Variants in RALYL observed in about 807,000 individuals in gnomAD.
The protein encoded by RALYL is RALY RNA binding protein like, also known as RNA-binding Raly-like protein.
Under a neutral mutation model 35.1 loss-of-function variants are expected in RALYL, and 29 were observed. The ratio of observed to expected loss-of-function variants is 0.83; its 90% CI spans 0.61 to 1.13. RALYL has a LOEUF of 1.13. Ranked by LOEUF, RALYL falls within the 50% of genes most tolerant of loss-of-function variation. The probability of loss-of-function intolerance (pLI) is 0.00; values close to 1 mark genes in which losing one functional copy is unlikely to be tolerated. For synonymous variants in RALYL, 120 were observed against 127.6 expected (o/e 0.94, Z 0.40); for missense variants, 359 against 360.4 (o/e 1.00, Z 0.03).
At chr8:84,432,923 T>C (rs929695175) in intron 1 of RALYL, among the ~76,000 whole-genome samples, 2 of 152,098 alleles carry the variant, frequency 1.3e-5, no homozygotes, top group African/African-American at 4.8e-5. Context: ...ACAACACATT[T>C]CCATTGTTTT....
intron 3 of RALYL, among the ~76,000 whole-genome samples, chr8:84,795,604 A>G (rs923080918): frequency 6.6e-6 from 1 of 152,152 alleles, no homozygotes; most frequent in African/African-American, 2.4e-5. Context: ...ATACCTTTTC[A>G]TTACTTTTGT....
intron 2 of RALYL, among the ~76,000 whole-genome samples, chr8:84,529,791 T>C (rs2059154733): frequency 6.6e-6 from 1 of 152,202 alleles, no homozygotes; most frequent in Non-Finnish European, 1.5e-5. Context: ...TCAAGGCTAC[T>C]TTGCAATACT....
rs1563856746 is a variant in RALYL, at chr8:84,913,044, A to AGGTAGG, written c.859-7850_859-7849insGGTAGG. 9.5e-3 allele frequency among the ~76,000 whole-genome samples: 472 copies of AGGTAGG among 49,572 alleles called. 3 individuals are homozygous for AGGTAGG. Among genetic ancestry groups the AGGTAGG allele is most frequent in the South Asian group, 0.031 (52 of 1,670 alleles). 32.5% of individuals were successfully genotyped at this position (49,572 alleles called of 152,430 possible). ...GATGGATGGATGGATAGGTAGGTAGATAGATAGATAGATAGATAGATAGAT... is the reference window on the plus strand; with the variant it reads ...GATGGATGGATGGATAGGTAGGTAGAGGTAGGTAGATAGATAGATAGATAGATAGAT... On this transcript the variant is annotated intron_variant, in intron 8 of 8. Transcript: ENST00000521268.
In RALYL at chr8:84,227,349, C is replaced by T. The variant is rs201565130; in HGVS notation, c.-24+42925C>T. On this transcript the variant is annotated intron_variant, in intron 1 of 8. Coordinates refer to ENST00000521268, the MANE Select transcript of RALYL (RefSeq NM_173848.7). Reference sequence around the variant, plus strand: ...CTGGGATTATAGGCGTGAGCCACCACGTCTGGCACAAAAAAAATGTATTTC... The same window carrying T: ...CTGGGATTATAGGCGTGAGCCACCATGTCTGGCACAAAAAAAATGTATTTC... Among the ~76,000 whole-genome samples, 49 of 141,094 alleles carry T rather than the reference C, an allele frequency of 3.5e-4. No homozygotes were observed. The East Asian group carries it at 9.8e-3, about 28-fold the overall frequency. The allele number at this position is 141,094 out of a possible 152,430, so 92.6% of individuals were successfully genotyped here. A position where few individuals can be genotyped will look rare whatever the true frequency, so the allele number is the denominator to read the frequency against.
At chr8:84,242,010 A>T (rs953653222) in intron 1 of RALYL, among the ~76,000 whole-genome samples, 2 of 151,740 alleles carry the variant, frequency 1.3e-5, no homozygotes, top group African/African-American at 4.8e-5. Context: ...CCTCCCTCCC[A>T]CACCCCCAAC....
intron 1 of RALYL, among the ~76,000 whole-genome samples, chr8:84,257,367 C>T (rs1256037175): frequency 6.6e-6 from 1 of 152,024 alleles, no homozygotes; most frequent in East Asian, 1.9e-4. Context: ...AAAATTTATG[C>T]AGGATTTCAT....
intron 1 of RALYL, among the ~76,000 whole-genome samples, chr8:84,380,738 A>C (rs1166293248): frequency 6.6e-6 from 1 of 151,892 alleles, no homozygotes; most frequent in Non-Finnish European, 1.5e-5. Context: ...GTCCAGTAAG[A>C]GTTAAAAAGT....
chr8:84,271,614 G>A (rs1227197757), intron 1 of RALYL, among the ~76,000 whole-genome samples: 2 of 151,814 alleles, frequency 1.3e-5, no homozygotes, highest in African/African-American at 4.8e-5. Context: ...TTGTGAATGG[G>A]TGAATAAATA....
chr8:84,243,501 C>CTTTTTTTTTTTTTTTTTT (rs34469585), intron 1 of RALYL, among the ~76,000 whole-genome samples: 2 of 97,480 alleles, frequency 2.1e-5, no homozygotes, highest in African/African-American at 8.2e-5. Context: ...CTCTCTCACA[C>CTTTTTTTTTTTTTTTTTT]TTTTTTTTTT....
chr8:84,531,680 T>G (rs534102481), intron 2 of RALYL, among the ~76,000 whole-genome samples: 1 of 152,214 alleles, frequency 6.6e-6, no homozygotes, highest in East Asian at 1.9e-4. Flanking sequence ...AACAAATACT[T>G]GAGGAAATGC....
chr8:84,590,934 G>T (rs1170346697), intron 2 of RALYL, among the ~76,000 whole-genome samples: 1 of 151,686 alleles, frequency 6.6e-6, no homozygotes, highest in African/African-American at 2.4e-5. Flanking sequence ...TTAATTATAG[G>T]CATAATTGCA....
chr8:84,705,566 A>G (rs189961676), intron 2 of RALYL, among the ~76,000 whole-genome samples: 116 of 152,356 alleles, frequency 7.6e-4, no homozygotes, highest in Non-Finnish European at 1.5e-3. Context: ...AGAATTTAGC[A>G]GAGTTTCAAA....
chr8:84,304,440 A>G (rs1018045897), intron 1 of RALYL, among the ~76,000 whole-genome samples: 10 of 152,138 alleles, frequency 6.6e-5, no homozygotes, highest in Admixed American at 4.6e-4. Flanking sequence ...CTAATATAAT[A>G]TGGGATATTA....
At chr8:84,893,114 T>G (rs946904368) in intron 8 of RALYL, among the ~76,000 whole-genome samples, 4 of 152,152 alleles carry the variant, frequency 2.6e-5, no homozygotes, top group African/African-American at 9.6e-5. Context: ...GAACCAGACA[T>G]AGCCACTATG....
At chr8:84,576,939 C>T (rs890890051) in intron 2 of RALYL, among the ~76,000 whole-genome samples, 2 of 152,160 alleles carry the variant, frequency 1.3e-5, no homozygotes, top group Non-Finnish European at 2.9e-5. Context: ...AACTCCTGAC[C>T]AACCTTCATG....
chr8:84,814,812 A>G (rs564087701), intron 4 of RALYL, among the ~76,000 whole-genome samples: 4 of 152,278 alleles, frequency 2.6e-5, no homozygotes, highest in Admixed American at 2.6e-4. Flanking sequence ...AGGGGGGAAA[A>G]AAGACCTGTT....
At chr8:84,576,254 C>T (rs1372861705) in intron 2 of RALYL, among the ~76,000 whole-genome samples, 1 of 151,846 alleles carries the variant, frequency 6.6e-6, no homozygotes, top group Non-Finnish European at 1.5e-5. Context: ...GTTTCTTTAT[C>T]CTATGAATAT....
At chr8:84,325,072 G>A (rs934222014) in intron 1 of RALYL, among the ~76,000 whole-genome samples, 1 of 152,036 alleles carries the variant, frequency 6.6e-6, no homozygotes, top group Non-Finnish European at 1.5e-5. Flanking sequence ...TAGTAGAAAA[G>A]AAGTTCCATT....
intron 2 of RALYL, among the ~76,000 whole-genome samples, chr8:84,685,130 C>T (rs868624703): frequency 1.3e-5 from 2 of 152,024 alleles, no homozygotes; most frequent in African/African-American, 4.8e-5. Context: ...TTTCCAAATA[C>T]AATCACATTG....
Sources: gnomAD v4.1 joint callset for allele counts (sites outside exome capture counted in the v4.1 genomes callset) on GRCh38, gnomAD v4.1.1 for gene constraint, MANE v1.5 for transcripts, NCBI Gene and HGNC (gene_info 2026-07-23, HGNC 2026-07-21) for gene names.